Variants in TSNARE1 observed in about 807,000 individuals in gnomAD.
The protein encoded by TSNARE1 is t-SNARE domain-containing protein 1.
TSNARE1 carries 49 observed loss-of-function variants against 62.0 expected under a neutral mutation model. That is an observed-to-expected ratio of 0.79 (90% CI 0.63 to 1.00). The LOEUF is 1.00. Among genes scored for constraint, TSNARE1 ranks in the 50% least tolerant of loss-of-function variants. TSNARE1 has a pLI of 0.00. For missense variants in TSNARE1, 755 were observed against 700.1 expected (o/e 1.08, Z -0.88); for synonymous variants, 328 against 294.4 (o/e 1.11, Z -1.17).
intron 4 of TSNARE1, among the ~76,000 whole-genome samples, 154 bp downstream of exon 4, chr8:142,343,812 A>AGGGGGAGGAGGAGGAGGAGGGGG (rs1321447552): frequency 2.5e-5 from 1 of 40,036 alleles, no homozygotes; most frequent in Non-Finnish European, 4.4e-5. Flanking sequence ...GAGGAGGAGG[A>AGGGGGAGGAGGAGGAGGAGGGGG]GGGGAGAGGA....
intron 13 of TSNARE1, among the ~76,000 whole-genome samples, chr8:142,229,099 T>C (rs1349787934): frequency 5.0e-5 from 3 of 59,898 alleles, no homozygotes; most frequent in South Asian, 1.2e-3. Context: ...AATGGATGGA[T>C]GGATGGAAGG....
At chr8:142,376,922 C>T (rs1836388108) in intron 1 of TSNARE1, among the ~76,000 whole-genome samples, 1 of 152,240 alleles carries the variant, frequency 6.6e-6, no homozygotes, top group Non-Finnish European at 1.5e-5. Flanking sequence ...GAGAGCCACA[C>T]AGGACCCTGG....
rs149746465 is a variant in TSNARE1 at position 142,353,499 on chromosome 8, G to A, written c.88+1138C>T. 2.8e-3 allele frequency among the ~76,000 whole-genome samples: 434 copies of A among 152,284 alleles called. 3 individuals are homozygous for A. Among genetic ancestry groups the A allele is most frequent in the Non-Finnish European group, 4.7e-3 (322 of 68,004 alleles). On this transcript the variant is annotated intron_variant, in intron 2 of 13. Transcript: ENST00000524325. ...CTAAGTGGTGATGGCAAGATGAGGA[G>A]GGGCACTTGGTGATATCACCAATGG...
chr8:142,265,086 A>G (rs1241883523), intron 12 of TSNARE1, among the ~76,000 whole-genome samples: 5 of 151,668 alleles, frequency 3.3e-5, no homozygotes, highest in Non-Finnish European at 5.9e-5. Context: ...CTCTTAGGTT[A>G]CCTTAGTCTT....
intron 12 of TSNARE1, among the ~76,000 whole-genome samples, chr8:142,249,368 G>T (rs1818042302): frequency 6.6e-6 from 1 of 152,182 alleles, no homozygotes; most frequent in Non-Finnish European, 1.5e-5. Flanking sequence ...GCCGAGGCCA[G>T]CGTGTGTGAG....
chr8:142,309,024 A>T (rs1282859481), intron 9 of TSNARE1, among the ~76,000 whole-genome samples: 1 of 152,216 alleles, frequency 6.6e-6, no homozygotes, highest in Non-Finnish European at 1.5e-5. Flanking sequence ...ACCGCTCTTC[A>T]TAGAATTTTT....
chr8:142,402,849 C>G (rs1053778583), intron 1 of TSNARE1: 1 of 152,206 alleles, frequency 6.6e-6, no homozygotes, highest in African/African-American at 2.4e-5. Flanking sequence ...CGGGCCGGTC[C>G]CCGAAATGCG....
chr8:142,223,751 A>T (rs1293476663), intron 13 of TSNARE1, among the ~76,000 whole-genome samples: 1 of 152,188 alleles, frequency 6.6e-6, no homozygotes, highest in East Asian at 1.9e-4. Flanking sequence ...CCAAAGACCA[A>T]TGTGGAAGGT....
intron 13 of TSNARE1, among the ~76,000 whole-genome samples, chr8:142,223,065 T>TC (rs1816514365): frequency 2.4e-5 from 2 of 83,932 alleles, no homozygotes; most frequent in African/African-American, 4.3e-5. Flanking sequence ...CTCATTCACT[T>TC]ACTCGCTCAT....
At chr8:142,388,529 T>C (rs1036305418) in intron 1 of TSNARE1, among the ~76,000 whole-genome samples, 1 of 139,974 alleles carries the variant, frequency 7.1e-6, no homozygotes, top group Non-Finnish European at 1.6e-5. Flanking sequence ...AAGAAATCAG[T>C]AAGTTAGCAA....
intron 10 of TSNARE1, among the ~76,000 whole-genome samples, chr8:142,297,235 C>A (rs1364535573): frequency 6.6e-6 from 1 of 152,244 alleles, no homozygotes; most frequent in Non-Finnish European, 1.5e-5. Flanking sequence ...GCGTGGCCAT[C>A]TGTCCCAGTG....
At chr8:142,358,074 C>T (rs1388270415) in intron 1 of TSNARE1, among the ~76,000 whole-genome samples, 2 of 112,844 alleles carry the variant, frequency 1.8e-5, no homozygotes, top group Non-Finnish European at 3.4e-5. Context: ...CAAAGGGCGG[C>T]GGGGTCTGCT....
intron 12 of TSNARE1, chr8:142,271,781 G>A: frequency 1.1e-6 from 1 of 904,558 alleles, no homozygotes; most frequent in Non-Finnish European, 1.5e-6. Flanking sequence ...GTGCCCATGT[G>A]AGGCCTCTGC....
rs986414448 is a variant in TSNARE1, at chr8:142,274,118, C to G, written c.1446+663G>C. The G allele has an allele frequency of 9.1e-6, 9 of 985,296 alleles. No homozygotes were observed. In the African/African-American group the frequency reaches 1.4e-4, roughly 15 times the overall value. 61.0% of individuals were successfully genotyped at this position (985,296 alleles called of 1,614,324 possible). A position where few individuals can be genotyped will look rare whatever the true frequency, so the allele number is the denominator to read the frequency against. ...TCCAGCCTGCCTGGCCCCTGGGACTCCTTGAGGAACAGGCTCTGGTCATCT... is the reference window on the plus strand; with the variant it reads ...TCCAGCCTGCCTGGCCCCTGGGACTGCTTGAGGAACAGGCTCTGGTCATCT... On this transcript the variant is annotated intron_variant, in intron 12 of 13. Transcript: ENST00000524325.
At position 142,230,398 on chromosome 8, in the gene TSNARE1, T is replaced by C. The variant is rs143118694; in HGVS notation, c.1447-819A>G. On this transcript the variant is annotated intron_variant, in intron 12 of 13. Coordinates refer to ENST00000524325, the MANE Select transcript of TSNARE1 (RefSeq NM_145003.5). ...ACAGTCCTGCAAATTATGAAGGAGT[T>C]TAGACACCACCCCTAGACAGCAGGG... 2.6e-5 allele frequency among the ~76,000 whole-genome samples: 4 copies of C among 152,132 alleles called. No individual in the cohort carries two copies. The East Asian group carries it at 7.7e-4, about 29-fold the overall frequency.
At chr8:142,241,202 C>T (rs1817655864) in intron 12 of TSNARE1, among the ~76,000 whole-genome samples, 1 of 152,192 alleles carries the variant, frequency 6.6e-6, no homozygotes, top group African/African-American at 2.4e-5. Context: ...ATTCAAAAAT[C>T]AGTCACGTTT....
chr8:142,294,311 G>T (rs567971218), intron 10 of TSNARE1, among the ~76,000 whole-genome samples: 1 of 152,294 alleles, frequency 6.6e-6, no homozygotes, highest in Non-Finnish European at 1.5e-5. Context: ...TGGGGAAACA[G>T]CAAGGGCCCA....
At chr8:142,322,974 T>C (rs1243717201) in intron 6 of TSNARE1, among the ~76,000 whole-genome samples, 2 of 151,970 alleles carry the variant, frequency 1.3e-5, no homozygotes, top group African/African-American at 4.8e-5. Flanking sequence ...AACGATACTA[T>C]TATGAAAGGC....
At chr8:142,236,920 G>A (rs900370183) in intron 12 of TSNARE1, among the ~76,000 whole-genome samples, 1 of 152,234 alleles carries the variant, frequency 6.6e-6, no homozygotes, top group African/African-American at 2.4e-5. Context: ...GTCATGATGA[G>A]GAAAATGGGC....
Sources: allele counts gnomAD v4.1 joint callset (sites outside exome capture counted in the v4.1 genomes callset), GRCh38; gene constraint gnomAD v4.1.1; transcripts MANE v1.5; gene names NCBI Gene and HGNC (gene_info 2026-07-23, HGNC 2026-07-21).